Variants in CWF19L2 observed in about 807,000 individuals in gnomAD.
The protein encoded by CWF19L2 is CWF19-like protein 2.
In CWF19L2, 98 loss-of-function variants were observed where a neutral mutation model predicts 111.7. That is an observed-to-expected ratio of 0.88 (90% confidence interval 0.75 to 1.04). The LOEUF is 1.04. Among genes scored for constraint, CWF19L2 ranks in the 50% least tolerant of loss-of-function variants. The probability of loss-of-function intolerance (pLI) is 0.00; values close to 1 mark genes in which losing one functional copy is unlikely to be tolerated. For missense variants in CWF19L2, 1,101 were observed against 1,051.4 expected (o/e 1.05, Z -0.65); for synonymous variants, 351 against 342.9 (o/e 1.02, Z -0.26).
intron 12 of CWF19L2, among the ~76,000 whole-genome samples, chr11:107,362,261 T>A (rs929313348): frequency 6.6e-6 from 1 of 152,176 alleles, no homozygotes; most frequent in Admixed American, 6.5e-5. Context: ...GCGCCCGCCA[T>A]TGCCCAGGCT....
At chr11:107,426,709 C>A (rs565961271) in intron 8 of CWF19L2, among the ~76,000 whole-genome samples, 46 of 151,522 alleles carry the variant, frequency 3.0e-4, no homozygotes, top group African/African-American at 8.2e-4. Context: ...GGAAAAAAAA[C>A]CAAGATTTTG....
intron 7 of CWF19L2, among the ~76,000 whole-genome samples, chr11:107,432,039 G>A (rs1022269113): frequency 2.0e-5 from 3 of 152,164 alleles, no homozygotes; most frequent in Non-Finnish European, 2.9e-5. Context: ...GGTGGGGAAG[G>A]CCTGTCAATA....
At chr11:107,328,806 G>C (rs1859801120) in intron 17 of CWF19L2, among the ~76,000 whole-genome samples, 1 of 152,002 alleles carries the variant, frequency 6.6e-6, no homozygotes, top group Admixed American at 6.6e-5. Context: ...ATAACAACAG[G>C]ATTTTTCAGA....
intron 4 of CWF19L2, among the ~76,000 whole-genome samples, 133 bp downstream of exon 4, chr11:107,442,785 AGGAAGGAAGGGAGGGAGGGAG>A (rs1861642161): frequency 1.6e-4 from 7 of 43,846 alleles, no homozygotes; most frequent in Admixed American, 1.6e-3. Flanking sequence ...GAAGGAAGGA[AGGAAGGAAGGGAGGGAGGGAG>A]GGAGGGAGGG....
intron 12 of CWF19L2, 79 bp downstream of exon 12, chr11:107,389,995 T>C: frequency 8.3e-7 from 1 of 1,206,912 alleles, no homozygotes. Flanking sequence ...GAGAACCAGA[T>C]CTCTCCAAAA....
chr11:107,339,630 C>T (rs1859975856), intron 14 of CWF19L2, among the ~76,000 whole-genome samples: 1 of 149,658 alleles, frequency 6.7e-6, no homozygotes, highest in Non-Finnish European at 1.5e-5. Flanking sequence ...AATATAGATC[C>T]TCTTCAGCAA....
chr11:107,383,641 T>C (rs1860724986), intron 12 of CWF19L2, among the ~76,000 whole-genome samples: 1 of 152,138 alleles, frequency 6.6e-6, no homozygotes, highest in Non-Finnish European at 1.5e-5. Context: ...GGTTTTGTTA[T>C]AAGAAAGATA....
chr11:107,421,671 G>T (rs535865013), intron 8 of CWF19L2, among the ~76,000 whole-genome samples: 4 of 152,056 alleles, frequency 2.6e-5, no homozygotes, highest in Non-Finnish European at 5.9e-5. Flanking sequence ...CTACACATCC[G>T]CTAGAAGAGC....
Position 107,392,915 on chromosome 11 carries a change from T to C in CWF19L2, c.1618-20A>G, listed in dbSNP as rs370559398. ...TTCATTCTATAAAAAGATTTAGAGATAACTATTGAAATTATTGTGAAGAAT... is the reference window on the plus strand; with the variant it reads ...TTCATTCTATAAAAAGATTTAGAGACAACTATTGAAATTATTGTGAAGAAT... On this transcript the variant is annotated intron_variant, in intron 10 of 17. Transcript: ENST00000282251. 7.2e-7 allele frequency: 1 copy of C among 1,380,896 alleles called. No individual in the cohort carries two copies. 85.5% of individuals were successfully genotyped at this position (1,380,896 alleles called of 1,614,324 possible).
chr11:107,397,552 C>G (rs929051069), intron 10 of CWF19L2, among the ~76,000 whole-genome samples: 15 of 151,802 alleles, frequency 9.9e-5, no homozygotes, highest in African/African-American at 3.4e-4. Context: ...CAGGCCTAGC[C>G]CCGCCCCCAC....
chr11:107,344,974 G>A (rs892525905), intron 14 of CWF19L2, among the ~76,000 whole-genome samples: 3 of 152,176 alleles, frequency 2.0e-5, no homozygotes, highest in African/African-American at 4.8e-5. Context: ...CTGGGTAGCA[G>A]GTGGGAGTGC....
intron 8 of CWF19L2, among the ~76,000 whole-genome samples, chr11:107,423,911 T>C (rs1185903481): frequency 2.8e-5 from 4 of 144,868 alleles, no homozygotes; most frequent in Non-Finnish European, 6.1e-5. Context: ...AATAGATACC[T>C]ACTAATATAT....
intron 9 of CWF19L2, among the ~76,000 whole-genome samples, chr11:107,416,852 A>C (rs1218263179): frequency 1.3e-5 from 2 of 152,220 alleles, no homozygotes; most frequent in Non-Finnish European, 2.9e-5. Flanking sequence ...GTTCTTCTTG[A>C]ACACAAGAAC....
intron 12 of CWF19L2, among the ~76,000 whole-genome samples, chr11:107,381,539 G>A (rs1336029738): frequency 6.6e-6 from 1 of 152,084 alleles, no homozygotes; most frequent in African/African-American, 2.4e-5. Flanking sequence ...ACATATAAAT[G>A]ATTTCATACT....
At chr11:107,335,298 T>C (rs1481241892) in intron 15 of CWF19L2, among the ~76,000 whole-genome samples, 2 of 152,292 alleles carry the variant, frequency 1.3e-5, no homozygotes, top group East Asian at 1.9e-4. Flanking sequence ...TTCATAGAGA[T>C]TACTAAATAA....
chr11:107,385,786 T>G (rs1860756155), intron 12 of CWF19L2, among the ~76,000 whole-genome samples: 1 of 152,260 alleles, frequency 6.6e-6, no homozygotes, highest in African/African-American at 2.4e-5. Context: ...AATCAGCCCT[T>G]TGTCCAGCAC....
chr11:107,352,992 A>G (rs932794499), intron 13 of CWF19L2, among the ~76,000 whole-genome samples: 3 of 151,996 alleles, frequency 2.0e-5, no homozygotes, highest in Non-Finnish European at 4.4e-5. Flanking sequence ...AACATTATTC[A>G]TTCCTATCTT....
At chr11:107,427,750 C>G (rs1861401248) in intron 8 of CWF19L2, among the ~76,000 whole-genome samples, 1 of 152,104 alleles carries the variant, frequency 6.6e-6, no homozygotes, top group African/African-American at 2.4e-5. Flanking sequence ...ACAATAATCC[C>G]TGCCATGTTT....
At chr11:107,346,016 T>C (rs1251091261) in intron 14 of CWF19L2, among the ~76,000 whole-genome samples, 1 of 152,156 alleles carries the variant, frequency 6.6e-6, no homozygotes, top group Non-Finnish European at 1.5e-5. Flanking sequence ...TAATTGCCCA[T>C]TCCTCATTTA....
Sources: allele counts gnomAD v4.1 joint callset (sites outside exome capture counted in the v4.1 genomes callset), GRCh38; gene constraint gnomAD v4.1.1; transcripts MANE v1.5; gene names NCBI Gene and HGNC (gene_info 2026-07-23, HGNC 2026-07-21).